Variants in XPO4 observed in about 807,000 individuals in gnomAD.
XPO4 encodes the protein exportin-4.
A neutral mutation model predicts 143.0 loss-of-function variants in XPO4; 39 were observed. That is an observed-to-expected ratio of 0.27 (90% confidence interval 0.21 to 0.36). The LOEUF is 0.36. Among genes scored for constraint, XPO4 ranks in the 10% least tolerant of loss-of-function variants. The pLI is 1.00. For missense variants in XPO4, 907 were observed against 1,348.0 expected, an observed-to-expected ratio of 0.67 and a Z score of 5.12; for synonymous variants, 439 against 474.0, an observed-to-expected ratio of 0.93 and a Z score of 0.96.
intron 13 of XPO4, among the ~76,000 whole-genome samples, chr13:20,806,515 G>A (rs1157051052): frequency 2.3e-5 from 2 of 87,734 alleles, no homozygotes; most frequent in African/African-American, 8.7e-5. Flanking sequence ...TTCACATGTT[G>A]TTTTCAAATT....
intron 4 of XPO4, chr13:20,852,588 T>A (rs2060099852): frequency 8.2e-6 from 8 of 972,462 alleles, no homozygotes; most frequent in Non-Finnish European, 9.8e-6. Flanking sequence ...TTGGTAATAT[T>A]ATATTTGGTA....
intron 13 of XPO4, 105 bp downstream of exon 13, chr13:20,807,352 T>C: frequency 8.8e-7 from 1 of 1,139,292 alleles, no homozygotes; most frequent in Non-Finnish European, 1.2e-6. Flanking sequence ...TTTTTTCATG[T>C]ATCAGATTTA....
intron 7 of XPO4, among the ~76,000 whole-genome samples, chr13:20,826,701 G>A (rs192210051): frequency 3.3e-4 from 50 of 152,222 alleles, no homozygotes; most frequent in Non-Finnish European, 4.7e-4. Flanking sequence ...ATATGTAATC[G>A]TTTCTTACTG....
intron 2 of XPO4, 169 bp downstream of exon 2, chr13:20,868,427 C>A: frequency 9.2e-7 from 1 of 1,092,730 alleles, no homozygotes; most frequent in Non-Finnish European, 1.2e-6. Flanking sequence ...TCCCGTCTGG[C>A]TTTACAGAAT....
At chr13:20,784,993 A>C (rs1176310457) in intron 22 of XPO4, among the ~76,000 whole-genome samples, 2 of 152,112 alleles carry the variant, frequency 1.3e-5, no homozygotes, top group Admixed American at 6.5e-5. Flanking sequence ...TCAGCCTCCT[A>C]AGAGCCTGGG....
At chr13:20,866,409 C>T (rs1346882911) in intron 2 of XPO4, 1 of 979,368 alleles carries the variant, frequency 1.0e-6, no homozygotes, top group Non-Finnish European at 1.2e-6. Flanking sequence ...AAAGTCTCCC[C>T]TTTAGTAGAA....
At chr13:20,785,349 A>G (rs1290460190) in intron 22 of XPO4, among the ~76,000 whole-genome samples, 2 of 152,136 alleles carry the variant, frequency 1.3e-5, no homozygotes, top group African/African-American at 2.4e-5. Flanking sequence ...GACCAAGTAT[A>G]ATCTCCTATC....
At chr13:20,856,705 C>T (rs1182027779) in intron 3 of XPO4, 2 of 346,354 alleles carry the variant, frequency 5.8e-6, no homozygotes, top group African/African-American at 4.5e-5. Context: ...CACCTATAGC[C>T]ACCAGTGGCT....
Position 20,843,766 on chromosome 13 carries a change from A to G in XPO4, c.573+4T>C. The G allele has an allele frequency of 6.3e-7, 1 of 1,599,402 alleles. No individual in the cohort carries two copies. Among genetic ancestry groups the G allele is most frequent in the Non-Finnish European group, 8.6e-7 (1 of 1,167,494 alleles). On this transcript the variant is annotated splice_donor_region_variant and intron_variant, in intron 5 of 22. Transcript: ENST00000255305. Reference sequence around the variant, plus strand: ...TTAAAACTCAAGAACAAAACTACCAATACCTGAAAAACTCTTTTGCAGTTA... The same window carrying G: ...TTAAAACTCAAGAACAAAACTACCAGTACCTGAAAAACTCTTTTGCAGTTA...
intron 1 of XPO4, among the ~76,000 whole-genome samples, chr13:20,899,649 C>T (rs2060602216): frequency 6.6e-6 from 1 of 152,198 alleles, no homozygotes; most frequent in Admixed American, 6.6e-5. Flanking sequence ...CCTAAGACTT[C>T]TGTACCAAAA....
intron 1 of XPO4, among the ~76,000 whole-genome samples, chr13:20,895,772 T>C (rs138449116): frequency 2.2e-4 from 34 of 152,324 alleles, no homozygotes; most frequent in African/African-American, 7.5e-4. Context: ...TGAGTATCTT[T>C]CCATGTTCAT....
At chr13:20,872,355 A>G (rs761521440) in intron 1 of XPO4, among the ~76,000 whole-genome samples, 1 of 152,182 alleles carries the variant, frequency 6.6e-6, no homozygotes, top group Non-Finnish European at 1.5e-5. Flanking sequence ...TTGCTTGTCC[A>G]TCTCTATTAC....
chr13:20,900,479 T>C (rs1223807581), intron 1 of XPO4, among the ~76,000 whole-genome samples: 2 of 152,212 alleles, frequency 1.3e-5, no homozygotes, highest in African/African-American at 4.8e-5. Flanking sequence ...GCCTCCAACA[T>C]AGTATGTACT....
chr13:20,803,641 C>T lies in XPO4; in HGVS notation c.1818-2651G>A, dbSNP rs2059464630. ...TCACTTCACTTCTCTGCTGTAAATC[C>T]TTGTCAGTATTTTTACTCCCACTTT... On this transcript the variant is annotated intron_variant, in intron 13 of 22. Coordinates refer to ENST00000255305, the MANE Select transcript of XPO4 (RefSeq NM_022459.5). The surrounding 1 kb of genome is among the most constrained non-coding windows in gnomAD (Gnocchi z 4.1). Among the ~76,000 whole-genome samples, 1 of 152,076 alleles carries T rather than the reference C, an allele frequency of 6.6e-6. No homozygotes were observed. Among genetic ancestry groups the T allele is most frequent in the Admixed American group, 6.6e-5 (1 of 15,262 alleles).
At chr13:20,812,619 C>T (rs990520680) in intron 9 of XPO4, among the ~76,000 whole-genome samples, 3 of 151,946 alleles carry the variant, frequency 2.0e-5, no homozygotes, top group Admixed American at 6.6e-5. Flanking sequence ...AATGTGATAT[C>T]CAGGACTAGG....
At chr13:20,902,625 CG>C (rs1595179509) in intron 1 of XPO4, 44 bp downstream of exon 1, 10 of 1,512,122 alleles carry the variant, frequency 6.6e-6, no homozygotes, top group African/African-American at 2.8e-5. Flanking sequence ...CAGGGCCGAC[CG>C]GGGGCCCGCG....
intron 1 of XPO4, chr13:20,869,655 A>AT: frequency 2.7e-6 from 2 of 745,756 alleles, no homozygotes; most frequent in Non-Finnish European, 3.3e-6. Flanking sequence ...AGTCAAAATA[A>AT]TAAAAAAAAA....
chr13:20,834,014 T>G (rs961738440), intron 6 of XPO4, among the ~76,000 whole-genome samples: 3 of 152,064 alleles, frequency 2.0e-5, no homozygotes, highest in Admixed American at 6.5e-5. Context: ...GCAAGTGAAT[T>G]TTGTCTCCAG....
At position 20,808,695 on chromosome 13, in the gene XPO4, T is replaced by C. The variant is rs193152189; in HGVS notation, c.1494-114A>G. On this transcript the variant is annotated intron_variant, in intron 11 of 22. Coordinates refer to ENST00000255305, the MANE Select transcript of XPO4 (RefSeq NM_022459.5). ...TTGAATGTTAGCGTAAAAACACATA[T>C]ACAAAAACATTATAGTACACAACTG... 9.8e-4 allele frequency: 845 copies of C among 862,852 alleles called. 10 individuals are homozygous for C. Among genetic ancestry groups the C allele is most frequent in the African/African-American group, 1.8e-3 (110 of 59,604 alleles). The allele number at this position is 862,852 out of a possible 1,614,324, so 53.4% of individuals were successfully genotyped here. A position where few individuals can be genotyped will look rare whatever the true frequency, so the allele number is the denominator to read the frequency against.
Sources: gnomAD v4.1 joint callset for allele counts (sites outside exome capture counted in the v4.1 genomes callset) on GRCh38, gnomAD v4.1.1 for gene constraint, Gnocchi (gnomAD v3.1) non-coding constraint, MANE v1.5 for transcripts, NCBI Gene and HGNC (gene_info 2026-07-23, HGNC 2026-07-21) for gene names.